The following SEPTIN14 variants were observed in gnomAD, a reference collection of about 807,000 sequenced individuals.
The protein encoded by SEPTIN14 is septin 14, also known as septin-14.
In SEPTIN14, 40 loss-of-function variants were observed where a neutral mutation model predicts 53.6. The ratio of observed to expected loss-of-function variants is 0.75; its 90% CI spans 0.58 to 0.97. SEPTIN14 has a LOEUF of 0.97. SEPTIN14 is among the 50% of genes least tolerant of loss of function. SEPTIN14 has a pLI of 0.00. For missense variants in SEPTIN14, 471 were observed against 508.2 expected (o/e 0.93, Z 0.70); for synonymous variants, 138 against 166.8 (o/e 0.83, Z 1.33).
In SEPTIN14 at chr7:55,862,021, T is replaced by TA. The variant is rs1415916149; in HGVS notation, c.-15-11dup. 1.1e-5 allele frequency: 17 copies of TA among 1,512,786 alleles called. No homozygotes were observed. The highest frequency in any genetic ancestry group is 1.4e-5 in the Non-Finnish European group (16 of 1,123,866). The allele number at this position is 1,512,786 out of a possible 1,614,324, so 93.7% of individuals were successfully genotyped here. On this transcript the variant is annotated splice_polypyrimidine_tract_variant and intron_variant, in intron 1 of 9. Coordinates refer to ENST00000388975, the MANE Select transcript of SEPTIN14 (RefSeq NM_207366.3). Reference sequence around the variant, plus strand: ...TGCTACACTAAAAGAGCTGGAAATTTAAAAAAATAAACATTTTTAAAAATT... The same window carrying TA: ...TGCTACACTAAAAGAGCTGGAAATTTAAAAAAAATAAACATTTTTAAAAATT...
intron 6 of SEPTIN14, among the ~76,000 whole-genome samples, chr7:55,830,343 ATATATAT>A (rs1421376320): frequency 4.1e-3 from 107 of 26,168 alleles, no homozygotes; most frequent in African/African-American, 0.025. Context: ...ATATATATAT[ATATATAT>A]TTTTTTTTTT....
intron 6 of SEPTIN14, among the ~76,000 whole-genome samples, chr7:55,824,843 C>A (rs1250610190): frequency 1.3e-5 from 2 of 151,766 alleles, no homozygotes; most frequent in African/African-American, 4.8e-5. Flanking sequence ...CAAACACTGA[C>A]AACACCAAAT....
At chr7:55,843,201 G>T in intron 4 of SEPTIN14, 73 bp from the exon 5 acceptor site, 1 of 864,506 alleles carries the variant, frequency 1.2e-6, no homozygotes, top group Non-Finnish European at 1.7e-6. Flanking sequence ...CACTTAATGA[G>T]CAGTTAACAT....
chr7:55,854,436 CT>C (rs34890871), intron 2 of SEPTIN14, among the ~76,000 whole-genome samples: 16,193 of 147,534 alleles, frequency 0.11, 1,434 homozygotes, highest in African/African-American at 0.24. Flanking sequence ...ACTGGAGGTT[CT>C]TTTTTTTTTT....
At chr7:55,799,273 A>G (rs151284262) in intron 9 of SEPTIN14, among the ~76,000 whole-genome samples, 172 of 151,900 alleles carry the variant, frequency 1.1e-3, no homozygotes, top group Middle Eastern at 6.8e-3. Context: ...TGGGAGGCCA[A>G]GGCAAATGGA....
intron 7 of SEPTIN14, among the ~76,000 whole-genome samples, chr7:55,816,642 C>T (rs893985582): frequency 8.4e-6 from 1 of 119,600 alleles, no homozygotes; most frequent in African/African-American, 3.1e-5. Flanking sequence ...ACTAAAAATA[C>T]AAAAAAAAAA....
intron 9 of SEPTIN14, among the ~76,000 whole-genome samples, chr7:55,802,064 G>A (rs1788529526): frequency 6.6e-6 from 1 of 151,294 alleles, no homozygotes; most frequent in Admixed American, 6.6e-5. Flanking sequence ...CAGTGCAGTG[G>A]TGCGATCTCA....
chr7:55,826,933 A>G (rs1228734736), intron 6 of SEPTIN14, among the ~76,000 whole-genome samples: 1 of 152,076 alleles, frequency 6.6e-6, no homozygotes, highest in East Asian at 1.9e-4. Flanking sequence ...AGCATTCTGC[A>G]GTTGCCTGAG....
At chr7:55,804,592 G>A (rs1788584545) in intron 9 of SEPTIN14, among the ~76,000 whole-genome samples, 1 of 152,028 alleles carries the variant, frequency 6.6e-6, no homozygotes, top group Non-Finnish European at 1.5e-5. Flanking sequence ...AACTGTCTTT[G>A]AATGAGACAT....
chr7:55,813,793 C>G (rs143065811), intron 7 of SEPTIN14, among the ~76,000 whole-genome samples: 1 of 152,224 alleles, frequency 6.6e-6, no homozygotes, highest in Non-Finnish European at 1.5e-5. Flanking sequence ...TAGACCTACT[C>G]TGGGACAGAA....
chr7:55,823,960 G>A (rs1162008612), intron 6 of SEPTIN14, among the ~76,000 whole-genome samples: 2 of 150,632 alleles, frequency 1.3e-5, no homozygotes, highest in Non-Finnish European at 2.9e-5. Context: ...GTGCAATCCT[G>A]GCTCACTGCA....
chr7:55,838,553 CTTTCTTT>C (rs1789249589), intron 5 of SEPTIN14, among the ~76,000 whole-genome samples: 2 of 120,244 alleles, frequency 1.7e-5, no homozygotes, highest in Admixed American at 2.0e-4. Context: ...CCCTTCCTTC[CTTTCTTT>C]CTTTCTCTCT....
chr7:55,842,937 C>T lies in SEPTIN14; in HGVS notation c.558+5G>A. 1.4e-6 allele frequency: 2 copies of T among 1,477,480 alleles called. No homozygotes were observed. Among genetic ancestry groups the T allele is most frequent in the South Asian group, 1.3e-5 (1 of 74,568 alleles). The allele number at this position is 1,477,480 out of a possible 1,614,324, so 91.5% of individuals were successfully genotyped here. A position where few individuals can be genotyped will look rare whatever the true frequency, so the allele number is the denominator to read the frequency against. On this transcript the variant is annotated splice_donor_5th_base_variant and intron_variant, in intron 5 of 9. Coordinates refer to ENST00000388975, the MANE Select transcript of SEPTIN14 (RefSeq NM_207366.3). ...AAAAAAAGATGGTAGATTTACCAAA[C>T]ATACCTTACTGTCAAGGTTCTTCAT...
At chr7:55,806,226 C>A (rs1375887291) in intron 8 of SEPTIN14, among the ~76,000 whole-genome samples, 1 of 152,010 alleles carries the variant, frequency 6.6e-6, no homozygotes, top group Non-Finnish European at 1.5e-5. Flanking sequence ...ATCTTAAACT[C>A]CTGACCTCAG....
rs1226040835 is a variant in SEPTIN14 at position 55,795,525 on chromosome 7, T to C, written c.*388A>G. 1 of 180,926 alleles carries C rather than the reference T, an allele frequency of 5.5e-6. No homozygotes were observed. The highest frequency in any genetic ancestry group is 5.8e-5 in the Admixed American group (1 of 17,202). 11.2% of individuals were successfully genotyped at this position (180,926 alleles called of 1,614,324 possible). On this transcript the variant is annotated 3_prime_UTR_variant, in exon 10 of 10. Coordinates refer to ENST00000388975, the MANE Select transcript of SEPTIN14 (RefSeq NM_207366.3). ...TCTTGTCACCCAGGCTGGAGTACAA[T>C]GGTGAGATCTTGGCTCACTGCAACC...
rs776654400 is a variant in SEPTIN14, at chr7:55,795,955, C to A, written c.1257G>T (p.Gln419His). ...MKAASEALQT[Q>H]LSTDTKKDKH... ...TGTCTTTCTTTGTATCGGTGCTCAG[C>A]TGAGTCTGCAGTGCTTCGGAGGCAG... The change falls in exon 10 of 10, where the codon CAG becomes CAT. Residue 419 changes from glutamine (Q) to histidine (H), a missense_variant. Coordinates refer to ENST00000388975, the MANE Select transcript of SEPTIN14 (RefSeq NM_207366.3). 6.3e-7 allele frequency: 1 copy of A among 1,594,938 alleles called. No individual in the cohort carries two copies. The highest frequency in any genetic ancestry group is 2.2e-5 in the East Asian group (1 of 44,862).
intron 2 of SEPTIN14, among the ~76,000 whole-genome samples, chr7:55,861,616 C>T (rs146250145): frequency 6.6e-6 from 1 of 152,244 alleles, no homozygotes; most frequent in African/African-American, 2.4e-5. Flanking sequence ...TCAGTGCATA[C>T]ATTCTGCAAA....
At chr7:55,799,517 T>TAAA (rs1180866283) in intron 9 of SEPTIN14, among the ~76,000 whole-genome samples, 1 of 54,210 alleles carries the variant, frequency 1.8e-5, no homozygotes. Flanking sequence ...GACTCTTGTC[T>TAAA]CAAAAAAAAA....
intron 9 of SEPTIN14, among the ~76,000 whole-genome samples, chr7:55,803,231 C>A (rs2115956467): frequency 6.6e-6 from 1 of 152,266 alleles, no homozygotes. Context: ...AGCCACTGCA[C>A]CCGGCTGAAC....
Sources: gnomAD v4.1 joint callset for allele counts (sites outside exome capture counted in the v4.1 genomes callset) on GRCh38, gnomAD v4.1.1 for gene constraint, MANE v1.5 for transcripts, NCBI Gene and HGNC (gene_info 2026-07-23, HGNC 2026-07-21) for gene names.